The following LRP1B variants were observed in gnomAD, a reference collection of about 807,000 sequenced individuals.
The protein encoded by LRP1B is LDL receptor related protein 1B, also known as low-density lipoprotein receptor-related protein 1B.
A neutral mutation model predicts 556.6 loss-of-function variants in LRP1B; 217 were observed. The ratio of observed to expected loss-of-function variants is 0.39; its 90% CI spans 0.35 to 0.44. The LOEUF (loss-of-function observed/expected upper bound fraction) is 0.44. LRP1B is among the 20% of genes least tolerant of loss of function. The pLI, the probability that LRP1B is intolerant of heterozygous loss-of-function variation, is 1.00. For missense variants in LRP1B, 5,053 were observed against 5,620.8 expected (o/e 0.90, Z 3.23); for synonymous variants, 2,047 against 1,865.8 (o/e 1.10, Z -2.50).
chr2:140,362,541 A>T (rs1414796583), intron 72 of LRP1B, among the ~76,000 whole-genome samples: 2 of 151,686 alleles, frequency 1.3e-5, no homozygotes, highest in Non-Finnish European at 3.0e-5. Context: ...TGGTAAATCC[A>T]GGAGTGCCTG....
At chr2:140,981,104 G>A (rs1354968197) in intron 18 of LRP1B, among the ~76,000 whole-genome samples, 1 of 151,662 alleles carries the variant, frequency 6.6e-6, no homozygotes, top group African/African-American at 2.4e-5. Context: ...GGGGAAAGCT[G>A]TAAAGGGGGT....
At chr2:140,477,217 C>T (rs1688012479) in intron 59 of LRP1B, among the ~76,000 whole-genome samples, 1 of 151,894 alleles carries the variant, frequency 6.6e-6, no homozygotes, top group African/African-American at 2.4e-5. Flanking sequence ...ATTCTCTTTG[C>T]CTTACTGACC....
At chr2:141,783,045 T>C (rs898443243) in intron 2 of LRP1B, among the ~76,000 whole-genome samples, 1 of 152,114 alleles carries the variant, frequency 6.6e-6, no homozygotes, top group Non-Finnish European at 1.5e-5. Flanking sequence ...CATGTCTTCA[T>C]CCATTCATTC....
intron 1 of LRP1B, among the ~76,000 whole-genome samples, chr2:141,815,350 G>A (rs1696502338): frequency 6.6e-6 from 1 of 152,130 alleles, no homozygotes; most frequent in African/African-American, 2.4e-5. Flanking sequence ...AAGCCAGCTG[G>A]GTCGAGTGAG....
At chr2:140,701,041 T>C (rs906419001) in intron 40 of LRP1B, among the ~76,000 whole-genome samples, 1 of 152,066 alleles carries the variant, frequency 6.6e-6, no homozygotes, top group African/African-American at 2.4e-5. Flanking sequence ...AGCTACAATG[T>C]GCCTAACCTC....
chr2:141,843,374 C>T (rs1697542500), intron 1 of LRP1B, among the ~76,000 whole-genome samples: 1 of 152,222 alleles, frequency 6.6e-6, no homozygotes, highest in African/African-American at 2.4e-5. Flanking sequence ...AAACAGGTCA[C>T]TCTGTAATTC....
At chr2:141,319,313 T>TTTTTTG in intron 3 of LRP1B, among the ~76,000 whole-genome samples, 1 of 147,770 alleles carries the variant, frequency 6.8e-6, no homozygotes, top group African/African-American at 2.5e-5. Flanking sequence ...TTTTGTTGTT[T>TTTTTTG]TTTTTTTTTT....
At position 141,015,825 on chromosome 2, in the gene LRP1B, C is replaced by A. The variant is rs1374468819; in HGVS notation, c.2061G>T (p.Gln687His). The change falls in exon 13 of 91, where the codon CAG becomes CAT. Residue 687 changes from glutamine (Q) to histidine (H), a missense_variant. Around this residue, in one of 5 missense-constraint regions of LRP1B, gnomAD observed 3,619 missense variants for 3,931.9 expected, o/e 0.92. Transcript: ENST00000389484. ...EKAWMDGFNR[Q>H]IFVTSKMLWP... ...ACAGCATCTTTGAAGTCACAAAAAT[C>A]TGCCGATTGAATCCATCCATCCAGG... is the stretch of plus-strand genomic sequence containing the variant. 2 of 1,613,502 alleles carry A rather than the reference C, an allele frequency of 1.2e-6. No individual in the cohort carries two copies. Among genetic ancestry groups the A allele is most frequent in the African/African-American group, 2.7e-5 (2 of 74,888 alleles).
intron 2 of LRP1B, among the ~76,000 whole-genome samples, chr2:141,520,709 T>C (rs1328819566): frequency 2.0e-5 from 3 of 152,126 alleles, no homozygotes; most frequent in Non-Finnish European, 4.4e-5. Flanking sequence ...TGATAGAGCT[T>C]ATAAACTGCC....
chr2:142,082,115 G>A (rs1221438701), intron 1 of LRP1B, among the ~76,000 whole-genome samples: 1 of 152,154 alleles, frequency 6.6e-6, no homozygotes, highest in Non-Finnish European at 1.5e-5. Flanking sequence ...TATAAAGTCT[G>A]AAAGTTTAGG....
At position 141,172,730 on chromosome 2, in the gene LRP1B, C is replaced by T. The variant is rs571125553; in HGVS notation, c.1013+15691G>A. On this transcript the variant is annotated intron_variant, in intron 7 of 90. Coordinates refer to ENST00000389484, the MANE Select transcript of LRP1B (RefSeq NM_018557.3). ...AATAGAATCTGATATATATATAAGTCTGTGGAAAAATAGACATTATAAAAC... is the reference window on the plus strand; with the variant it reads ...AATAGAATCTGATATATATATAAGTTTGTGGAAAAATAGACATTATAAAAC... 3.3e-5 allele frequency among the ~76,000 whole-genome samples: 5 copies of T among 151,980 alleles called. No homozygotes were observed. The South Asian group carries it at 8.3e-4, about 25-fold the overall frequency.
chr2:141,771,018 G>A (rs1321321378), intron 2 of LRP1B, among the ~76,000 whole-genome samples: 4 of 152,106 alleles, frequency 2.6e-5, no homozygotes, highest in Non-Finnish European at 5.9e-5. Context: ...GACTTCTCGT[G>A]TTTTATTATC....
chr2:141,150,393 A>G (rs572708761), intron 7 of LRP1B, among the ~76,000 whole-genome samples: 3 of 152,158 alleles, frequency 2.0e-5, no homozygotes, highest in Non-Finnish European at 4.4e-5. Context: ...TCAGATCACA[A>G]AACTTTCTCT....
At chr2:141,992,806 C>T (rs1702384589) in intron 1 of LRP1B, among the ~76,000 whole-genome samples, 1 of 152,072 alleles carries the variant, frequency 6.6e-6, no homozygotes, top group African/African-American at 2.4e-5. Flanking sequence ...TATGAAATGA[C>T]TGGAGTCAGT....
intron 1 of LRP1B, among the ~76,000 whole-genome samples, chr2:142,010,761 C>T (rs572512141): frequency 6.6e-6 from 1 of 152,124 alleles, no homozygotes; most frequent in South Asian, 2.1e-4. Flanking sequence ...CTACTATCAG[C>T]TCAGCATCAC....
intron 41 of LRP1B, among the ~76,000 whole-genome samples, chr2:140,657,292 G>A (rs1041200428): frequency 2.0e-5 from 3 of 151,932 alleles, no homozygotes; most frequent in Admixed American, 6.6e-5. Flanking sequence ...TAGAAAACAT[G>A]CTTTTCCATA....
chr2:141,739,677 G>GTT (rs1339315298), intron 2 of LRP1B, among the ~76,000 whole-genome samples: 2 of 114,032 alleles, frequency 1.8e-5, no homozygotes, highest in African/African-American at 7.7e-5. Context: ...TTATCTACTG[G>GTT]TTGTTTTTTT....
Position 141,032,222 on chromosome 2 carries a change from T to C in LRP1B, c.1790-12120A>G, listed in dbSNP as rs977539721. 3.0e-4 allele frequency among the ~76,000 whole-genome samples: 45 copies of C among 152,118 alleles called. 1 individual carries two copies. The highest frequency in any genetic ancestry group is 1.7e-3 in the Admixed American group (26 of 15,266). Reference sequence around the variant, plus strand: ...TTTAAGTATATATAGCTCTACCTCATTCATTTTAACGGCTACTTAATATTA... The same window carrying C: ...TTTAAGTATATATAGCTCTACCTCACTCATTTTAACGGCTACTTAATATTA... On this transcript the variant is annotated intron_variant, in intron 11 of 90. Coordinates refer to ENST00000389484, the MANE Select transcript of LRP1B (RefSeq NM_018557.3).
At chr2:141,302,876 T>A (rs1390983549) in intron 3 of LRP1B, among the ~76,000 whole-genome samples, 2 of 152,052 alleles carry the variant, frequency 1.3e-5, no homozygotes, top group Admixed American at 6.6e-5. Context: ...GTTTATTAAT[T>A]AATAAAGAAA....
Sources: allele counts gnomAD v4.1 joint callset (sites outside exome capture counted in the v4.1 genomes callset), GRCh38; gene constraint gnomAD v4.1.1; regional missense constraint gnomAD v4.1.1; transcripts MANE v1.5; gene names NCBI Gene and HGNC (gene_info 2026-07-23, HGNC 2026-07-21).